WARS2: variants seen among roughly 807,000 people sequenced by gnomAD.
WARS2 encodes tryptophanyl tRNA synthetase 2, mitochondrial.
WARS2 carries 28 observed loss-of-function variants against 36.5 expected under a neutral mutation model. That is an observed-to-expected ratio of 0.77 (90% confidence interval 0.57 to 1.05). The LOEUF is 1.05. Ranked by LOEUF, WARS2 falls within the 50% of genes least tolerant of loss-of-function variation. WARS2 has a pLI of 0.00. For synonymous variants in WARS2, 174 were observed against 178.4 expected (o/e 0.98, Z 0.20); for missense variants, 435 against 456.8 (o/e 0.95, Z 0.44).
At chr1:119,057,906 G>A (rs1266516604) in intron 2 of WARS2, among the ~76,000 whole-genome samples, 1 of 152,092 alleles carries the variant, frequency 6.6e-6, no homozygotes. Context: ...CCACTTTATG[G>A]GTTACCTTTT....
intron 4 of WARS2, among the ~76,000 whole-genome samples, chr1:119,040,165 T>C (rs1366443714): frequency 2.0e-5 from 3 of 152,148 alleles, no homozygotes; most frequent in Admixed American, 2.0e-4. Flanking sequence ...AAATACAAAA[T>C]GTACATTAGC....
intron 3 of WARS2, among the ~76,000 whole-genome samples, chr1:119,044,545 G>A (rs1177823911): frequency 1.3e-5 from 2 of 152,200 alleles, no homozygotes; most frequent in Non-Finnish European, 2.9e-5. Context: ...CACTCAGGCT[G>A]CTATAACAAA....
At chr1:119,112,291 A>G (rs745943363) in intron 1 of WARS2, among the ~76,000 whole-genome samples, 4 of 152,180 alleles carry the variant, frequency 2.6e-5, no homozygotes, top group Non-Finnish European at 5.9e-5. Flanking sequence ...CAACTCTGAC[A>G]ACTTTATTAG....
chr1:119,046,636 G>A (rs1425393421), intron 2 of WARS2, among the ~76,000 whole-genome samples: 3 of 151,770 alleles, frequency 2.0e-5, no homozygotes, highest in Non-Finnish European at 4.4e-5. Flanking sequence ...AGTTACAGGC[G>A]TGAGCCACTG....
chr1:119,049,982 C>G (rs1649201768), intron 2 of WARS2, among the ~76,000 whole-genome samples: 1 of 152,204 alleles, frequency 6.6e-6, no homozygotes, highest in South Asian at 2.1e-4. Context: ...ACATAGATCA[C>G]ATCACTCCTC....
chr1:119,083,689 A>G (rs1453088851), intron 1 of WARS2, among the ~76,000 whole-genome samples: 1 of 152,220 alleles, frequency 6.6e-6, no homozygotes, highest in Non-Finnish European at 1.5e-5. Context: ...AGGGCAGCTA[A>G]TCTATATTTA....
At chr1:119,115,757 G>T (rs1654920453) in intron 1 of WARS2, among the ~76,000 whole-genome samples, 1 of 152,146 alleles carries the variant, frequency 6.6e-6, no homozygotes, top group South Asian at 2.1e-4. Flanking sequence ...TGGTTGAAAA[G>T]GACAGCCAAA....
At chr1:119,045,550 G>A (rs764178845) in intron 3 of WARS2, 32 bp downstream of exon 3, 1 of 1,544,144 alleles carries the variant, frequency 6.5e-7, no homozygotes, top group Non-Finnish European at 8.8e-7. Flanking sequence ...ATAGCTTCTT[G>A]TCTGTTTATT....
intron 1 of WARS2, among the ~76,000 whole-genome samples, chr1:119,093,670 C>T (rs974339175): frequency 5.9e-5 from 9 of 152,094 alleles, no homozygotes; most frequent in Admixed American, 2.6e-4. Flanking sequence ...GAAGCATGCC[C>T]TGCCAACACC....
At chr1:119,130,447 A>C (rs1193914403) in intron 1 of WARS2, among the ~76,000 whole-genome samples, 1 of 152,244 alleles carries the variant, frequency 6.6e-6, no homozygotes, top group Non-Finnish European at 1.5e-5. Flanking sequence ...TTAGGGCCAG[A>C]GTGACAATAA....
At chr1:119,103,512 C>T (rs1000582922) in intron 1 of WARS2, among the ~76,000 whole-genome samples, 1 of 152,122 alleles carries the variant, frequency 6.6e-6, no homozygotes, top group South Asian at 2.1e-4. Context: ...CCCAATATCT[C>T]CTTTAGAAGC....
In WARS2 at chr1:119,042,357, A is replaced by T. The variant is rs780515660; in HGVS notation, c.430-8T>A. On this transcript the variant is annotated splice_polypyrimidine_tract_variant and splice_region_variant and intron_variant, in intron 3 of 5. Transcript: ENST00000235521. ...CTGCTTGGTAGTCTTTGCCTGTGAG[A>T]GGTGAAAAGAGAGGAGGGGAAGAAA... is the stretch of plus-strand genomic sequence containing the variant. 1 of 1,613,124 alleles carries T rather than the reference A, an allele frequency of 6.2e-7. No homozygotes were observed. Among genetic ancestry groups the T allele is most frequent in the South Asian group, 1.1e-5 (1 of 91,040 alleles).
Position 119,076,356 on chromosome 1 carries a change from T to C in WARS2, c.342A>G (p.Gln114=), listed in dbSNP as rs753300478. ...INPEKSILFQ[Q]SQVSEHTQLS... is the part of the protein sequence containing the mutation. ...TCTAATCTGAGAAGCTGACCTGAGATTGTTGGAAAAGGATGCTTTTTTCCG... is the reference window on the plus strand; with the variant it reads ...TCTAATCTGAGAAGCTGACCTGAGACTGTTGGAAAAGGATGCTTTTTTCCG... Residue 114 remains glutamine, a synonymous_variant, in exon 2 of 6, where the codon CAA becomes CAG. Transcript: ENST00000235521. 4 of 1,614,036 alleles carry C rather than the reference T, an allele frequency of 2.5e-6. No individual in the cohort carries two copies. Among genetic ancestry groups the C allele is most frequent in the African/African-American group, 1.3e-5 (1 of 75,004 alleles).
intron 1 of WARS2, chr1:119,139,899 T>G (rs1005748079): frequency 2.0e-5 from 3 of 152,054 alleles, no homozygotes; most frequent in African/African-American, 4.8e-5. Context: ...CAATTCCCAA[T>G]AAGACCAGGC....
intron 1 of WARS2, among the ~76,000 whole-genome samples, chr1:119,106,109 TA>T (rs1439713913): frequency 2.0e-5 from 3 of 152,328 alleles, no homozygotes; most frequent in African/African-American, 7.2e-5. Flanking sequence ...TAGGCTGTTT[TA>T]GAAGGTCAGA....
rs587742341 is a variant in WARS2, at chr1:119,076,591, C to A, written c.107G>T (p.Arg36Leu). 1.6e-5 allele frequency: 26 copies of A among 1,614,118 alleles called. No homozygotes were observed. The South Asian group carries it at 2.5e-4, about 16-fold the overall frequency. ...TGTAGGTTGAATGCCGGAAAATACT[C>A]GCTTCTTGCTGTCTTTCTGGAACAA... ...APALQKDSKK[R>L]VFSGIQPTGI... The change falls in exon 2 of 6, where the codon CGA becomes CTA. Residue 36 changes from arginine (R) to leucine (L), a missense_variant. Arg to Leu is a moderately radical substitution (Grantham distance 102). Transcript: ENST00000235521.
chr1:119,126,680 C>T, intron 1 of WARS2: 1 of 724,780 alleles, frequency 1.4e-6, no homozygotes, highest in Non-Finnish European at 2.6e-6. Flanking sequence ...AGGGCTTCCT[C>T]AGCATTTTTA....
intron 1 of WARS2, among the ~76,000 whole-genome samples, chr1:119,084,750 T>C (rs1322219634): frequency 1.3e-5 from 2 of 152,124 alleles, no homozygotes; most frequent in Non-Finnish European, 2.9e-5. Context: ...GTTCTACGGG[T>C]TCAAGAGCCA....
At chr1:119,036,513 C>G (rs1647899275) in intron 4 of WARS2, among the ~76,000 whole-genome samples, 1 of 152,144 alleles carries the variant, frequency 6.6e-6, no homozygotes, top group East Asian at 1.9e-4. Context: ...CCTTGACGCC[C>G]CCAAGCCAAA....
Sources: allele counts gnomAD v4.1 joint callset (sites outside exome capture counted in the v4.1 genomes callset), GRCh38; gene constraint gnomAD v4.1.1; transcripts MANE v1.5; gene names NCBI Gene and HGNC (gene_info 2026-07-23, HGNC 2026-07-21).